ADAMTS17: variants seen among roughly 807,000 people sequenced by gnomAD.
ADAMTS17 encodes A disintegrin and metalloproteinase with thrombospondin motifs 17.
A neutral mutation model predicts 141.5 loss-of-function variants in ADAMTS17; 113 were observed. That is an observed-to-expected ratio of 0.80 (90% CI 0.69 to 0.93). The LOEUF is 0.93. Among genes scored for constraint, ADAMTS17 ranks in the 40% least tolerant of loss-of-function variants. The pLI is 0.00. For missense variants in ADAMTS17, 1,659 were observed against 1,517.9 expected (o/e 1.09, Z -1.54); for synonymous variants, 768 against 630.6 (o/e 1.22, Z -3.27).
chr15:100,307,639 T>C lies in ADAMTS17; in HGVS notation c.616+23250A>G, dbSNP rs547865230. ...GTCCCTAAATGCCCCTTCATGTTTA[T>C]CCAGCTGTAATGGGAACCATGCCGT... is the stretch of plus-strand genomic sequence containing the variant. On this transcript the variant is annotated intron_variant, in intron 3 of 21. Coordinates refer to ENST00000268070, the MANE Select transcript of ADAMTS17 (RefSeq NM_139057.4). Among the ~76,000 whole-genome samples the C allele has an allele frequency of 5.6e-4, 86 of 152,316 alleles. 1 individual carries two copies. The highest frequency in any genetic ancestry group is 1.9e-3 in the African/African-American group (78 of 41,560).
chr15:100,244,438 T>C (rs1173313461), intron 7 of ADAMTS17, among the ~76,000 whole-genome samples: 1 of 150,826 alleles, frequency 6.6e-6, no homozygotes, highest in Non-Finnish European at 1.5e-5. Context: ...CCCACCCAAA[T>C]CTCATCTAGC....
At chr15:100,331,661 T>G (rs558162288) in intron 2 of ADAMTS17, among the ~76,000 whole-genome samples, 1 of 152,210 alleles carries the variant, frequency 6.6e-6, no homozygotes, top group South Asian at 2.1e-4. Flanking sequence ...CATCCCCTTC[T>G]CCTGGGAACA....
chr15:100,109,623 G>A (rs2036624525), intron 13 of ADAMTS17, among the ~76,000 whole-genome samples: 1 of 152,120 alleles, frequency 6.6e-6, no homozygotes, highest in South Asian at 2.1e-4. Context: ...TTTGGGGTAC[G>A]GAGATCCCAG....
intron 7 of ADAMTS17, among the ~76,000 whole-genome samples, chr15:100,233,416 G>A (rs976193640): frequency 2.6e-5 from 4 of 152,044 alleles, no homozygotes; most frequent in East Asian, 1.9e-4. Flanking sequence ...AGTCACAAAC[G>A]GAACTGGAAA....
intron 6 of ADAMTS17, among the ~76,000 whole-genome samples, chr15:100,256,182 G>T (rs1329791935): frequency 1.3e-5 from 2 of 152,138 alleles, no homozygotes; most frequent in Non-Finnish European, 2.9e-5. Flanking sequence ...GGGACTGTAG[G>T]GTTCACTTCA....
intron 3 of ADAMTS17, among the ~76,000 whole-genome samples, chr15:100,284,354 T>C (rs977001288): frequency 6.6e-6 from 1 of 152,128 alleles, no homozygotes; most frequent in African/African-American, 2.4e-5. Context: ...CTTTCCCCCA[T>C]TCCCTAGCAC....
intron 3 of ADAMTS17, among the ~76,000 whole-genome samples, chr15:100,330,476 CG>C (rs2046017648): frequency 6.6e-6 from 1 of 152,096 alleles, no homozygotes; most frequent in South Asian, 2.1e-4. Flanking sequence ...AATCGAGAAT[CG>C]AATCACAGCT....
Position 100,132,045 on chromosome 15 carries a change from C to T in ADAMTS17, c.1683G>A (p.Thr561=), listed in dbSNP as rs560960982. The stretch of plus-strand genomic sequence containing the variant: ...ATTTCCTCTGCCTGAAGCGGGCTCC[C>T]GTCCCACATGTTCGGCTGCACATGC... ...AWSMCSRTCG[T]GARFRQRKCD... Residue 561 remains threonine, a synonymous_variant, in exon 12 of 22, where the codon ACG becomes ACA. Transcript: ENST00000268070. 26 of 1,613,956 alleles carry T rather than the reference C, an allele frequency of 1.6e-5. No homozygotes were observed. The highest frequency in any genetic ancestry group is 6.7e-5 in the East Asian group (3 of 44,874).
At chr15:100,104,714 G>C (rs192382560) in intron 14 of ADAMTS17, among the ~76,000 whole-genome samples, 13 of 152,294 alleles carry the variant, frequency 8.5e-5, no homozygotes, top group African/African-American at 2.9e-4. Flanking sequence ...GTTGTAATTA[G>C]ACAATTATTA....
At chr15:99,998,003 C>A (rs775059219) in intron 18 of ADAMTS17, among the ~76,000 whole-genome samples, 5 of 152,200 alleles carry the variant, frequency 3.3e-5, no homozygotes, top group Non-Finnish European at 5.9e-5. Flanking sequence ...ACTTCTTACC[C>A]TCTGCTGGGA....
chr15:100,205,944 G>A (rs916046934), intron 7 of ADAMTS17, among the ~76,000 whole-genome samples: 6 of 152,172 alleles, frequency 3.9e-5, no homozygotes, highest in East Asian at 1.9e-4. Context: ...GCAAACAAGT[G>A]GAGACTGGAG....
At chr15:100,292,341 CGA>C (rs1461069366) in intron 3 of ADAMTS17, among the ~76,000 whole-genome samples, 9 of 146,752 alleles carry the variant, frequency 6.1e-5, no homozygotes, top group Non-Finnish European at 9.0e-5. Context: ...TGTGGAATTA[CGA>C]GAGACACTCA....
chr15:100,026,140 T>C (rs1447491590), intron 18 of ADAMTS17, among the ~76,000 whole-genome samples: 1 of 152,238 alleles, frequency 6.6e-6, no homozygotes, highest in Non-Finnish European at 1.5e-5. Context: ...TTCAACTTTA[T>C]ATAAATGAAC....
chr15:100,136,361 G>A (rs1462165897), intron 10 of ADAMTS17, among the ~76,000 whole-genome samples: 4 of 152,220 alleles, frequency 2.6e-5, no homozygotes, highest in Non-Finnish European at 5.9e-5. Context: ...AGTTAGCACT[G>A]CAGCGTCTCA....
At chr15:99,982,078 C>T (rs552375471) in intron 20 of ADAMTS17, among the ~76,000 whole-genome samples, 48 of 152,250 alleles carry the variant, frequency 3.2e-4, no homozygotes, top group African/African-American at 1.2e-3. Context: ...TTATTTGCAG[C>T]ATGAGGATAA....
chr15:100,142,951 T>C (rs1232973064), intron 10 of ADAMTS17, among the ~76,000 whole-genome samples: 2 of 152,224 alleles, frequency 1.3e-5, no homozygotes, highest in African/African-American at 2.4e-5. Flanking sequence ...CAGGCACATA[T>C]ATGCTCGTGG....
intron 10 of ADAMTS17, among the ~76,000 whole-genome samples, chr15:100,141,420 A>G (rs1389654228): frequency 6.6e-6 from 1 of 152,188 alleles, no homozygotes; most frequent in Non-Finnish European, 1.5e-5. Flanking sequence ...ATGATACTGA[A>G]TGAGATGCTT....
At chr15:100,327,502 T>C (rs1215752653) in intron 3 of ADAMTS17, among the ~76,000 whole-genome samples, 1 of 152,168 alleles carries the variant, frequency 6.6e-6, no homozygotes, top group African/African-American at 2.4e-5. Context: ...AAATCACTCT[T>C]CTATTTCACC....
At chr15:100,001,520 G>A (rs1306080469) in intron 18 of ADAMTS17, among the ~76,000 whole-genome samples, 1 of 152,114 alleles carries the variant, frequency 6.6e-6, no homozygotes, top group Non-Finnish European at 1.5e-5. Flanking sequence ...CATAGATGTG[G>A]GTGACGATGA....
Sources: allele counts gnomAD v4.1 joint callset (sites outside exome capture counted in the v4.1 genomes callset), GRCh38; gene constraint gnomAD v4.1.1; transcripts MANE v1.5; gene names NCBI Gene and HGNC (gene_info 2026-07-23, HGNC 2026-07-21).